The following METTL2A variants were observed in gnomAD, a reference collection of about 807,000 sequenced individuals.
The protein encoded by METTL2A is methyltransferase 2A, tRNA N3-cytidine, also known as tRNA N(3)-cytidine methyltransferase METTL2A.
METTL2A carries 45 observed loss-of-function variants against 49.4 expected under a neutral mutation model. The ratio of observed to expected loss-of-function variants is 0.91; its 90% confidence interval spans 0.72 to 1.17. The LOEUF (loss-of-function observed/expected upper bound fraction) is 1.17, where lower values mean the gene tolerates loss of function less well. Among genes scored for constraint, METTL2A ranks in the 50% most tolerant of loss-of-function variants. The pLI, the probability that METTL2A is intolerant of heterozygous loss-of-function variation, is 0.00. For synonymous variants in METTL2A, 118 were observed against 167.5 expected (o/e 0.70, Z 2.28); for missense variants, 361 against 462.2 (o/e 0.78, Z 2.01).
chr17:62,439,384 C>T (rs1434405983), intron 5 of METTL2A, among the ~76,000 whole-genome samples: 4 of 152,180 alleles, frequency 2.6e-5, no homozygotes, highest in East Asian at 1.9e-4. Flanking sequence ...GGATTCTAGG[C>T]GTGAGCCACC....
In METTL2A at chr17:62,426,185, C is replaced by T. The variant is rs139697073; in HGVS notation, c.203-114C>T. The stretch of plus-strand genomic sequence containing the variant: ...CTTCAGTTCTGGGACTGTGGCTCTA[C>T]CTGAGGATACTTTTAGTATTAAAGT... On this transcript the variant is annotated intron_variant, in intron 2 of 8. Transcript: ENST00000311506. 2,477 of 1,040,458 alleles carry T rather than the reference C, an allele frequency of 2.4e-3. 40 individuals are homozygous for T. The African/African-American group carries it at 0.036, about 15-fold the overall frequency. The allele number at this position is 1,040,458 out of a possible 1,614,324, so 64.5% of individuals were successfully genotyped here.
intron 5 of METTL2A, among the ~76,000 whole-genome samples, chr17:62,438,863 G>A (rs1185744157): frequency 2.6e-5 from 4 of 152,070 alleles, no homozygotes; most frequent in Non-Finnish European, 4.4e-5. Flanking sequence ...ACTCAGGCTG[G>A]AGTGCGGTGG....
chr17:62,426,650 T>G lies in METTL2A; in HGVS notation c.554T>G (p.Leu185Arg). The change falls in exon 3 of 9, where the codon CTG becomes CGG. Residue 185 changes from leucine to arginine, a missense_variant. By Grantham distance (102) the Leu-to-Arg change is moderately radical. Coordinates refer to ENST00000311506, the MANE Select transcript of METTL2A (RefSeq NM_181725.4). ...FPGSSATYRI[L>R]EVGCGVGNTV... ...GGATCCTCAGCCACCTACCGAATAC[T>G]GGAGGTAACCTTTTATTGTCTTGGT... 7.7e-7 allele frequency: 1 copy of G among 1,294,894 alleles called. No individual in the cohort carries two copies. The highest frequency in any genetic ancestry group is 1.1e-6 in the Non-Finnish European group (1 of 913,144). 80.2% of individuals were successfully genotyped at this position (1,294,894 alleles called of 1,614,324 possible). A position where few individuals can be genotyped will look rare whatever the true frequency, so the allele number is the denominator to read the frequency against.
At chr17:62,445,050 A>T (rs2070759889) in intron 7 of METTL2A, 107 bp downstream of exon 7, 1 of 1,229,504 alleles carries the variant, frequency 8.1e-7, no homozygotes, top group African/African-American at 1.5e-5. Context: ...AGAACAGAAA[A>T]CCAAACACCA....
At chr17:62,443,856 GT>G (rs2070752199) in intron 6 of METTL2A, among the ~76,000 whole-genome samples, 1 of 151,696 alleles carries the variant, frequency 6.6e-6, no homozygotes, top group Non-Finnish European at 1.5e-5. Context: ...CCGTTTTTTT[GT>G]TTTTTGGTTT....
rs117811702 is a variant in METTL2A at position 62,448,204 on chromosome 17, C to T, written c.983-371C>T. 9.7e-3 allele frequency among the ~76,000 whole-genome samples: 1,474 copies of T among 152,298 alleles called. 12 individuals carry two copies. The highest frequency in any genetic ancestry group is 0.015 in the Non-Finnish European group (1,008 of 68,026). On this transcript the variant is annotated intron_variant, in intron 8 of 8. Transcript: ENST00000311506. Reference sequence around the variant, plus strand: ...ATCCTTCACCTGGGCCTTCCAAATTCTCCGTTCCTGGGCCCTTTTCAGGGT... The same window carrying T: ...ATCCTTCACCTGGGCCTTCCAAATTTTCCGTTCCTGGGCCCTTTTCAGGGT...
chr17:62,449,193 C>G lies in METTL2A; in HGVS notation c.*464C>G, dbSNP rs2070789448. 7.6e-6 allele frequency: 2 copies of G among 264,134 alleles called. No individual in the cohort carries two copies. The allele number at this position is 264,134 out of a possible 1,614,324, so 16.4% of individuals were successfully genotyped here. On this transcript the variant is annotated 3_prime_UTR_variant, in exon 9 of 9. Coordinates refer to ENST00000311506, the MANE Select transcript of METTL2A (RefSeq NM_181725.4). ...CCATGTGAAAAAGTGTTACATATGACAAGTGTTTTTTGACTGTAATTGCGT... is the reference window on the plus strand; with the variant it reads ...CCATGTGAAAAAGTGTTACATATGAGAAGTGTTTTTTGACTGTAATTGCGT...
intron 5 of METTL2A, among the ~76,000 whole-genome samples, chr17:62,436,950 A>G (rs767648206): frequency 6.6e-6 from 1 of 152,112 alleles, no homozygotes; most frequent in Non-Finnish European, 1.5e-5. Context: ...TTTCTAAACA[A>G]TGTTCATAGC....
intron 6 of METTL2A, among the ~76,000 whole-genome samples, chr17:62,442,045 C>T (rs1268993739): frequency 5.9e-5 from 9 of 152,120 alleles, no homozygotes; most frequent in African/African-American, 1.4e-4. Flanking sequence ...TGAGCCACCA[C>T]GCCCAGCCTA....
rs377310550 is a variant in METTL2A at position 62,448,596 on chromosome 17, C to T, written c.1004C>T (p.Thr335Ile). 5 of 1,613,956 alleles carry T rather than the reference C, an allele frequency of 3.1e-6. No homozygotes were observed. In the African/African-American group the frequency reaches 4.0e-5, roughly 13 times the overall value. Residue 335 changes from threonine (T) to isoleucine (I), a missense_variant, in exon 9 of 9, where the codon ACC becomes ATC. Physicochemically the swap from Thr to Ile is moderately conservative, Grantham distance 89 (BLOSUM62 -1). Around this residue, in one of 3 missense-constraint regions of METTL2A, gnomAD observed 183 missense variants for 216.5 expected, o/e 0.85. Coordinates refer to ENST00000311506, the MANE Select transcript of METTL2A (RefSeq NM_181725.4). ...CTAGAGGAACTGGACACGCTTTTCA[C>T]CACTGCTGGACTGGAAAAAGTTCAG... ...FTQEELDTLF[T>I]TAGLEKVQNL...
Position 62,449,805 on chromosome 17 carries a change from G to C in METTL2A, c.*1076G>C, listed in dbSNP as rs1241017926. 1.9e-5 allele frequency: 3 copies of C among 157,516 alleles called. No homozygotes were observed. The highest frequency in any genetic ancestry group is 4.8e-5 in the African/African-American group (2 of 41,370). 9.8% of individuals were successfully genotyped at this position (157,516 alleles called of 1,614,324 possible). A position where few individuals can be genotyped will look rare whatever the true frequency, so the allele number is the denominator to read the frequency against. On this transcript the variant is annotated 3_prime_UTR_variant, in exon 9 of 9. Coordinates refer to ENST00000311506, the MANE Select transcript of METTL2A (RefSeq NM_181725.4). ...TCTAAAGAATTAAAAGAATTTGGCC[G>C]GGTGCGGCAGCTCATGCCTGTAATC... is the stretch of plus-strand genomic sequence containing the variant.
intron 8 of METTL2A, among the ~76,000 whole-genome samples, chr17:62,448,105 G>A (rs1423661746): frequency 6.6e-6 from 1 of 152,172 alleles, no homozygotes; most frequent in Non-Finnish European, 1.5e-5. Context: ...TGGTGTGCCC[G>A]GGTCAGGGTG....
intron 6 of METTL2A, among the ~76,000 whole-genome samples, chr17:62,443,908 A>G (rs899728310): frequency 3.3e-5 from 5 of 151,984 alleles, no homozygotes; most frequent in African/African-American, 1.2e-4. Flanking sequence ...ATTTAAATAG[A>G]CTTTGAAATT....
intron 8 of METTL2A, among the ~76,000 whole-genome samples, chr17:62,448,150 C>G (rs774592785): frequency 6.6e-6 from 1 of 152,226 alleles, no homozygotes; most frequent in Non-Finnish European, 1.5e-5. Flanking sequence ...GAACTGCTCT[C>G]CTCTGCAACT....
chr17:62,430,640 G>A (rs1303448775), intron 4 of METTL2A, among the ~76,000 whole-genome samples: 3 of 151,992 alleles, frequency 2.0e-5, no homozygotes, highest in East Asian at 3.9e-4. Flanking sequence ...TAGATCAGAA[G>A]CATCTAGAAA....
rs1276590925 is a variant in METTL2A at position 62,426,510 on chromosome 17, A to C, written c.414A>C (p.Glu138Asp). 6.2e-7 allele frequency: 1 copy of C among 1,612,444 alleles called. No homozygotes were observed. The highest frequency in any genetic ancestry group is 2.2e-5 in the East Asian group (1 of 44,864). The change falls in exon 3 of 9, where the codon GAA (glutamate) becomes GAC (aspartate). Residue 138 changes from glutamate (E) to aspartate (D), a missense_variant. Coordinates refer to ENST00000311506, the MANE Select transcript of METTL2A (RefSeq NM_181725.4). Reference protein sequence around the residue: ...NNEDGPGLIMEEQHKCSSKSL... With the variant: ...NNEDGPGLIMDEQHKCSSKSL... ...AGGATGGACCTGGTTTAATAATGGA[A>C]GAACAGCACAAGTGTTCTTCAAAGA... is the stretch of plus-strand genomic sequence containing the variant.
chr17:62,450,510 T>C lies in METTL2A; in HGVS notation c.*1781T>C, dbSNP rs528442670. 6.6e-6 allele frequency: 1 copy of C among 152,132 alleles called. No homozygotes were observed. The highest frequency in any genetic ancestry group is 2.1e-4 in the South Asian group (1 of 4,826). The allele number at this position is 152,132 out of a possible 1,614,324, so 9.4% of individuals were successfully genotyped here. Reference sequence around the variant, plus strand: ...TCTCTTGATCCATGCAGTTATAGGATATATCCTTAATTTTAGAAAGTAAGG... The same window carrying C: ...TCTCTTGATCCATGCAGTTATAGGACATATCCTTAATTTTAGAAAGTAAGG... On this transcript the variant is annotated 3_prime_UTR_variant, in exon 9 of 9. Transcript: ENST00000311506.
Position 62,426,498 on chromosome 17 carries a change from T to C in METTL2A, c.402T>C (p.Gly134=). The stretch of plus-strand genomic sequence containing the variant: ...GTAGAAACAATGAGGATGGACCTGG[T>C]TTAATAATGGAAGAACAGCACAAGT... The part of the protein sequence containing the change: ...PECRNNEDGP[G]LIMEEQHKCS... The change falls in exon 3 of 9, where the codon GGT becomes GGC. Residue 134 remains glycine, a synonymous_variant. Coordinates refer to ENST00000311506, the MANE Select transcript of METTL2A (RefSeq NM_181725.4). 1 of 1,613,600 alleles carries C rather than the reference T, an allele frequency of 6.2e-7. No homozygotes were observed.
rs2070790327 is a variant in METTL2A at position 62,449,294 on chromosome 17, A to C, written c.*565A>C. 1 of 385,206 alleles carries C rather than the reference A, an allele frequency of 2.6e-6. No individual in the cohort carries two copies. The highest frequency in any genetic ancestry group is 1.9e-5 in the South Asian group (1 of 52,366). 23.9% of individuals were successfully genotyped at this position (385,206 alleles called of 1,614,324 possible). A position where few individuals can be genotyped will look rare whatever the true frequency, so the allele number is the denominator to read the frequency against. ...TACAGAGGTTAGTGAAGGGCTTATT[A>C]AGTTGTAGGGGAAGCAAGCTGGGAA... On this transcript the variant is annotated 3_prime_UTR_variant, in exon 9 of 9. Coordinates refer to ENST00000311506, the MANE Select transcript of METTL2A (RefSeq NM_181725.4).
Sources: gnomAD v4.1 joint callset for allele counts (sites outside exome capture counted in the v4.1 genomes callset) on GRCh38, gnomAD v4.1.1 for gene constraint, gnomAD v4.1.1 regional missense constraint, MANE v1.5 for transcripts, NCBI Gene and HGNC (gene_info 2026-07-23, HGNC 2026-07-21) for gene names.